REC114: variants seen among roughly 807,000 people sequenced by gnomAD.
The protein encoded by REC114 is REC114 meiotic recombination protein, also known as meiotic recombination protein REC114.
REC114 carries 27 observed loss-of-function variants against 31.3 expected under a neutral mutation model. That is an observed-to-expected ratio of 0.86 (90% CI 0.64 to 1.19). The LOEUF (loss-of-function observed/expected upper bound fraction) is 1.19, where lower values mean the gene tolerates loss of function less well. Ranked by LOEUF, REC114 falls within the 50% of genes most tolerant of loss-of-function variation. The pLI, the probability that REC114 is intolerant of heterozygous loss-of-function variation, is 0.00. For missense variants in REC114, 344 were observed against 326.9 expected, an observed-to-expected ratio of 1.05 and a Z score of -0.40; for synonymous variants, 134 against 127.7, an observed-to-expected ratio of 1.05 and a Z score of -0.33.
intron 5 of REC114, among the ~76,000 whole-genome samples, chr15:73,558,722 T>C (rs1194325779): frequency 1.3e-5 from 2 of 152,202 alleles, no homozygotes; most frequent in Admixed American, 6.5e-5. Flanking sequence ...GGAATGTAAA[T>C]GGGACAGCCA....
chr15:73,527,290 A>G (rs1384033935), intron 2 of REC114, among the ~76,000 whole-genome samples: 2 of 152,276 alleles, frequency 1.3e-5, no homozygotes, highest in Non-Finnish European at 2.9e-5. Context: ...TTCGTTCTGC[A>G]TATGTACAGA....
At chr15:73,473,105 G>A (rs756020878) in intron 1 of REC114, among the ~76,000 whole-genome samples, 2 of 152,076 alleles carry the variant, frequency 1.3e-5, no homozygotes, top group Non-Finnish European at 2.9e-5. Flanking sequence ...ATGAAAAATG[G>A]AGGGCTGGGT....
chr15:73,539,214 C>T (rs1894204769), intron 2 of REC114, among the ~76,000 whole-genome samples: 1 of 147,018 alleles, frequency 6.8e-6, no homozygotes, highest in Admixed American at 6.8e-5. Flanking sequence ...AATGGTTTGT[C>T]TAACTTCTCT....
chr15:73,555,227 C>G (rs1003162075), intron 4 of REC114, among the ~76,000 whole-genome samples: 1 of 152,142 alleles, frequency 6.6e-6, no homozygotes, highest in Non-Finnish European at 1.5e-5. Context: ...AGGACAGAAG[C>G]GCCCTCCAAA....
chr15:73,536,203 C>T (rs1167864353), intron 2 of REC114, among the ~76,000 whole-genome samples: 1 of 152,168 alleles, frequency 6.6e-6, no homozygotes, highest in African/African-American at 2.4e-5. Context: ...AAGAGTTCTC[C>T]ACTCTTTCCT....
intron 2 of REC114, among the ~76,000 whole-genome samples, chr15:73,507,012 T>G (rs1893687737): frequency 6.6e-6 from 1 of 152,086 alleles, no homozygotes; most frequent in Admixed American, 6.5e-5. Context: ...AAAAGATTGA[T>G]AAAGCTTGCT....
chr15:73,468,654 G>A (rs79545688), intron 1 of REC114, among the ~76,000 whole-genome samples: 1 of 150,664 alleles, frequency 6.6e-6, no homozygotes, highest in South Asian at 2.1e-4. Flanking sequence ...TAGGGAGAAA[G>A]CTTTCAGTAT....
At chr15:73,536,214 G>A (rs1469474089) in intron 2 of REC114, among the ~76,000 whole-genome samples, 1 of 152,120 alleles carries the variant, frequency 6.6e-6, no homozygotes, top group Non-Finnish European at 1.5e-5. Context: ...ACTCTTTCCT[G>A]TCCCACCCAG....
chr15:73,534,114 C>A (rs1248540228), intron 2 of REC114, among the ~76,000 whole-genome samples: 1 of 146,330 alleles, frequency 6.8e-6, no homozygotes. Flanking sequence ...ACCCTAACAT[C>A]ACAATTAAAA....
chr15:73,443,321 A>G lies in REC114; in HGVS notation c.136A>G (p.Thr46Ala). The G allele has an allele frequency of 6.3e-7, 1 of 1,582,080 alleles. No homozygotes were observed. Among genetic ancestry groups the G allele is most frequent in the Non-Finnish European group, 8.6e-7 (1 of 1,165,268 alleles). ...DPPGPCLEAG[T>A]APCPTWKVFD... ...ACCTGGGCCATGCCTGGAAGCTGGG[A>G]CAGCCCCCTGCCCCACATGGAAGGT... The change falls in exon 1 of 6, where the codon ACA becomes GCA. Residue 46 changes from threonine (T) to alanine (A), a missense_variant. Thr to Ala is a moderately conservative substitution (Grantham distance 58). Coordinates refer to ENST00000331090, the MANE Select transcript of REC114 (RefSeq NM_001042367.2).
intron 2 of REC114, among the ~76,000 whole-genome samples, chr15:73,520,675 T>C (rs960595903): frequency 2.0e-5 from 3 of 152,218 alleles, no homozygotes; most frequent in African/African-American, 7.2e-5. Flanking sequence ...ATGTGGTTGT[T>C]GTACTTTGCA....
At chr15:73,548,183 A>C (rs1196560540) in intron 3 of REC114, among the ~76,000 whole-genome samples, 1 of 152,122 alleles carries the variant, frequency 6.6e-6, no homozygotes, top group African/African-American at 2.4e-5. Context: ...CTCTAGGCTC[A>C]CTGCAACCTC....
intron 2 of REC114, among the ~76,000 whole-genome samples, chr15:73,515,685 T>C (rs1196566448): frequency 2.0e-5 from 3 of 152,138 alleles, no homozygotes; most frequent in African/African-American, 4.8e-5. Context: ...AGAAAGGCCA[T>C]GTGTGAGCAC....
intron 4 of REC114, among the ~76,000 whole-genome samples, chr15:73,553,368 A>G (rs974849737): frequency 6.6e-6 from 1 of 152,164 alleles, no homozygotes; most frequent in Non-Finnish European, 1.5e-5. Flanking sequence ...AGCTCCTGCT[A>G]TATTCCTTAA....
chr15:73,540,627 G>A (rs1379813365), intron 3 of REC114, 59 bp downstream of exon 3: 1 of 1,413,740 alleles, frequency 7.1e-7, no homozygotes, highest in African/African-American at 1.4e-5. Context: ...TGTTGGGGAG[G>A]TATTTGGGGG....
chr15:73,450,168 C>T (rs557595631), intron 1 of REC114, among the ~76,000 whole-genome samples: 2 of 152,134 alleles, frequency 1.3e-5, no homozygotes, highest in East Asian at 1.9e-4. Context: ...GGGCTAAATG[C>T]CCCAATTAAA....
At chr15:73,501,388 G>A (rs974982566) in intron 2 of REC114, among the ~76,000 whole-genome samples, 2 of 152,130 alleles carry the variant, frequency 1.3e-5, no homozygotes, top group African/African-American at 4.8e-5. Flanking sequence ...CCATAGGAAG[G>A]TTCCAAATGG....
intron 2 of REC114, among the ~76,000 whole-genome samples, chr15:73,536,181 C>T (rs1474486720): frequency 6.6e-6 from 1 of 152,194 alleles, no homozygotes; most frequent in African/African-American, 2.4e-5. Context: ...CAAATGGGAT[C>T]TAATTAAACT....
chr15:73,559,170 A>G (rs1894527472), intron 5 of REC114, among the ~76,000 whole-genome samples: 1 of 152,248 alleles, frequency 6.6e-6, no homozygotes, highest in Admixed American at 6.5e-5. Flanking sequence ...GGGTCACATA[A>G]AGGAATTTTT....
Sources: gnomAD v4.1 joint callset for allele counts (sites outside exome capture counted in the v4.1 genomes callset) on GRCh38, gnomAD v4.1.1 for gene constraint, MANE v1.5 for transcripts, NCBI Gene and HGNC (gene_info 2026-07-23, HGNC 2026-07-21) for gene names.